GNL2: variants seen among roughly 807,000 people sequenced by gnomAD.
GNL2 encodes the protein G protein nucleolar 2.
A neutral mutation model predicts 92.3 loss-of-function variants in GNL2; 51 were observed. The observed-to-expected ratio is 0.55, with a 90% CI of 0.44 to 0.70. GNL2 has a LOEUF of 0.70. GNL2 is among the 30% of genes least tolerant of loss of function. The probability of loss-of-function intolerance (pLI) is 0.00; values close to 1 mark genes in which losing one functional copy is unlikely to be tolerated. For missense variants in GNL2, 844 were observed against 895.6 expected (o/e 0.94, Z 0.74); for synonymous variants, 283 against 300.6 (o/e 0.94, Z 0.61).
chr1:37,569,563 A>G (rs1044282293), intron 12 of GNL2: 15 of 386,082 alleles, frequency 3.9e-5, no homozygotes, highest in Non-Finnish European at 6.1e-5. Context: ...AAAACCAACC[A>G]ATGATTTATC....
Position 37,576,263 on chromosome 1 carries a change from G to C in GNL2, c.1038+165C>G, listed in dbSNP as rs1201220749. On this transcript the variant is annotated intron_variant, in intron 9 of 15. Transcript: ENST00000373062. ...ATAAAATACTCTCAGTCTTATCAAA[G>C]TGGGCAGAAACAACTCTGATACGTT... The C allele has an allele frequency of 8.2e-6, 5 of 608,980 alleles. No homozygotes were observed. The African/African-American group carries it at 9.4e-5, about 11-fold the overall frequency. The allele number at this position is 608,980 out of a possible 1,614,324, so 37.7% of individuals were successfully genotyped here.
intron 9 of GNL2, 162 bp downstream of exon 9, chr1:37,576,266 G>A (rs1452558494): frequency 1.6e-6 from 1 of 621,534 alleles, no homozygotes; most frequent in Non-Finnish European, 2.8e-6. Flanking sequence ...TATCAAAGTG[G>A]GCAGAAACAA....
At chr1:37,589,358 G>T (rs774141635) in intron 4 of GNL2, among the ~76,000 whole-genome samples, 1 of 152,206 alleles carries the variant, frequency 6.6e-6, no homozygotes, top group Admixed American at 6.5e-5. Context: ...GGGCTGGCAC[G>T]CAGTGGCGCA....
chr1:37,587,446 C>T lies in GNL2; in HGVS notation c.434G>A (p.Gly145Asp), dbSNP rs1320472488. The T allele has an allele frequency of 1.2e-6, 2 of 1,612,822 alleles. No homozygotes were observed. The highest frequency in any genetic ancestry group is 1.7e-6 in the Non-Finnish European group (2 of 1,179,222). The change falls in exon 5 of 16, where the codon GGC becomes GAC. Residue 145 changes from glycine to aspartate, a missense_variant. Coordinates refer to ENST00000373062, the MANE Select transcript of GNL2 (RefSeq NM_013285.3). The part of the protein sequence containing the change: ...LDTESFETTF[G>D]PKSQRKRPNL... ...TGGTCGTTTCCTCTGTGACTTAGGG[C>T]CAAATGTAGTTTCAAAACTTTCAGT...
intron 4 of GNL2, among the ~76,000 whole-genome samples, 169 bp from the exon 5 acceptor site, chr1:37,587,664 T>A (rs1643865148): frequency 6.6e-6 from 1 of 152,230 alleles, no homozygotes; most frequent in African/African-American, 2.4e-5. Context: ...AATTACTTGT[T>A]GAAATGGCAC....
At position 37,569,107 on chromosome 1, in the gene GNL2, C is replaced by A; in HGVS notation, c.1612G>T (p.Val538Leu). 1 of 1,614,212 alleles carries A rather than the reference C, an allele frequency of 6.2e-7. No homozygotes were observed. The highest frequency in any genetic ancestry group is 8.5e-7 in the Non-Finnish European group (1 of 1,180,030). ...RVRQNFGKIN[V>L]VPQFSGDDLV... ...TCATCCCCAGAAAACTGAGGCACCA[C>A]GTTGATTTTACCAAAGTTCTGCCGA... The change falls in exon 13 of 16, where the codon GTG (valine) becomes TTG (leucine). Residue 538 changes from valine (V) to leucine (L), a missense_variant. By Grantham distance (32) the Val-to-Leu change is conservative. Coordinates refer to ENST00000373062, the MANE Select transcript of GNL2 (RefSeq NM_013285.3).
rs768861763 is a variant in GNL2, at chr1:37,576,417, G to A, written c.1038+11C>T. 23 of 1,611,522 alleles carry A rather than the reference G, an allele frequency of 1.4e-5. No homozygotes were observed. Among genetic ancestry groups the A allele is most frequent in the Non-Finnish European group, 2.0e-5 (23 of 1,178,602 alleles). ...ATATGCAAAAGTAAGGTCACCCTGC[G>A]CCCAACGTACCTTTGTTTCACCTGC... On this transcript the variant is annotated intron_variant, in intron 9 of 15. Coordinates refer to ENST00000373062, the MANE Select transcript of GNL2 (RefSeq NM_013285.3).
Position 37,583,951 on chromosome 1 carries a change from C to T in GNL2, c.570-18G>A, listed in dbSNP as rs6426024. 1 of 1,417,016 alleles carries T rather than the reference C, an allele frequency of 7.1e-7. No individual in the cohort carries two copies. The highest frequency in any genetic ancestry group is 1.0e-6 in the Non-Finnish European group (1 of 998,890). The allele number at this position is 1,417,016 out of a possible 1,614,324, so 87.8% of individuals were successfully genotyped here. On this transcript the variant is annotated intron_variant, in intron 5 of 15. Coordinates refer to ENST00000373062, the MANE Select transcript of GNL2 (RefSeq NM_013285.3). The stretch of plus-strand genomic sequence containing the variant: ...CTTCATTTCTAAATAAGAAAGCACC[C>T]CAAATGAGCAACTGAAGCACCATCA...
chr1:37,577,385 C>T (rs983219291), intron 8 of GNL2, among the ~76,000 whole-genome samples: 3 of 152,158 alleles, frequency 2.0e-5, no homozygotes, highest in African/African-American at 7.2e-5. Flanking sequence ...GGCCTACAAA[C>T]GAATGGAGGC....
chr1:37,585,728 C>T (rs184061320), intron 5 of GNL2, among the ~76,000 whole-genome samples: 36 of 152,228 alleles, frequency 2.4e-4, no homozygotes, highest in African/African-American at 7.7e-4. Context: ...AATGGCTTGA[C>T]ATTTTATCTC....
intron 4 of GNL2, among the ~76,000 whole-genome samples, chr1:37,590,300 GT>G (rs1643880274): frequency 6.6e-6 from 1 of 152,146 alleles, no homozygotes; most frequent in African/African-American, 2.4e-5. Flanking sequence ...TAGAGACAGG[GT>G]TTCTTCTTGT....
At chr1:37,570,249 T>A (rs1199317637) in intron 12 of GNL2, 1 of 152,204 alleles carries the variant, frequency 6.6e-6, no homozygotes, top group Middle Eastern at 3.4e-3. Flanking sequence ...GTGAGTCTGT[T>A]GGCCGGATGT....
intron 5 of GNL2, among the ~76,000 whole-genome samples, chr1:37,586,277 C>T (rs1643849538): frequency 6.6e-6 from 1 of 152,100 alleles, no homozygotes; most frequent in Non-Finnish European, 1.5e-5. Flanking sequence ...TATGCCCAGC[C>T]AATTTTTTAT....
intron 8 of GNL2, among the ~76,000 whole-genome samples, chr1:37,579,265 T>C (rs961633888): frequency 6.6e-6 from 1 of 152,076 alleles, no homozygotes; most frequent in Non-Finnish European, 1.5e-5. Context: ...ACAAGGAAAG[T>C]GGCCGGGAGC....
intron 13 of GNL2, 57 bp downstream of exon 13, chr1:37,568,794 G>T: frequency 7.5e-7 from 1 of 1,330,990 alleles, no homozygotes; most frequent in Non-Finnish European, 1.1e-6. Context: ...GGTACTCATG[G>T]CAAATTTTTG....
intron 4 of GNL2, 115 bp from the exon 5 acceptor site, chr1:37,587,610 T>C (rs1457730618): frequency 7.4e-5 from 45 of 605,170 alleles, no homozygotes; most frequent in South Asian, 2.5e-5. Flanking sequence ...GTTCAACCCA[T>C]ACCCAAATCT....
At chr1:37,592,666 C>T (rs1643894660) in intron 3 of GNL2, 46 bp downstream of exon 3, 3 of 1,065,344 alleles carry the variant, frequency 2.8e-6, no homozygotes, top group East Asian at 2.4e-5. Flanking sequence ...GCCGTTTCCA[C>T]TCAGCATATA....
chr1:37,575,626 T>G lies in GNL2; in HGVS notation c.1112A>C (p.Asp371Ala). Reference sequence around the variant, plus strand: ...TTTTAGCACAATGTCTGTCTCGGAGTCCTCAGAGGGGTAAACCACACCTGG... The same window carrying G: ...TTTTAGCACAATGTCTGTCTCGGAGGCCTCAGAGGGGTAAACCACACCTGG... ...DCPGVVYPSE[D>A]SETDIVLKGV... The change falls in exon 10 of 16, where the codon GAC (aspartate) becomes GCC (alanine). Residue 371 changes from aspartate (D) to alanine (A), a missense_variant. Transcript: ENST00000373062. This position sits in a 1 kb window ranked among gnomAD's most constrained non-coding sequence, Gnocchi z 4.1. 6.3e-7 allele frequency: 1 copy of G among 1,592,138 alleles called. No individual in the cohort carries two copies. The highest frequency in any genetic ancestry group is 1.9e-5 in the Admixed American group (1 of 53,496).
At chr1:37,568,784 G>C (rs552035433) in intron 13 of GNL2, 67 bp downstream of exon 13, 1 of 1,129,262 alleles carries the variant, frequency 8.9e-7, no homozygotes, top group East Asian at 2.3e-5. Flanking sequence ...ATATGGCTCT[G>C]GTACTCATGG....
Sources: gnomAD v4.1 joint callset for allele counts (sites outside exome capture counted in the v4.1 genomes callset) on GRCh38, gnomAD v4.1.1 for gene constraint, Gnocchi (gnomAD v3.1) non-coding constraint, MANE v1.5 for transcripts, NCBI Gene and HGNC (gene_info 2026-07-23, HGNC 2026-07-21) for gene names.